The following MSANTD5 variants were observed in gnomAD, a reference collection of about 807,000 sequenced individuals.
MSANTD5 encodes uncharacterized protein MSANTD5.
chr5:178,703,879 G>A, the MSANTD5 span, among the ~76,000 whole-genome samples: 3 of 151,764 alleles, frequency 2.0e-5, no homozygotes, highest in East Asian at 5.8e-4. Context: ...TACTCAGGAG[G>A]CTGAGGCAGG....
chr5:178,701,042 C>T (rs1359428237), upstream of MSANTD5, among the ~76,000 whole-genome samples: 2 of 152,086 alleles, frequency 1.3e-5, no homozygotes, highest in Non-Finnish European at 2.9e-5. Context: ...GGCGCGATCT[C>T]GGCTCACTGC....
the MSANTD5 span, among the ~76,000 whole-genome samples, chr5:178,703,851 C>G: frequency 6.6e-6 from 1 of 151,674 alleles, no homozygotes; most frequent in Non-Finnish European, 1.5e-5. Flanking sequence ...CATGGTGGCG[C>G]GTGCCCATAG....
At chr5:178,693,658 G>A (rs113877740), downstream of MSANTD5, among the ~76,000 whole-genome samples, 232 of 152,144 alleles carry the variant, frequency 1.5e-3, 2 homozygotes, top group African/African-American at 5.0e-3. Context: ...ATCTGCTGGC[G>A]CTGGTGGCCA....
the MSANTD5 span, among the ~76,000 whole-genome samples, chr5:178,703,056 G>A: frequency 6.6e-6 from 1 of 152,310 alleles, no homozygotes; most frequent in African/African-American, 2.4e-5. Context: ...GAGAGCACCC[G>A]AGAGAACAGA....
downstream of MSANTD5, among the ~76,000 whole-genome samples, chr5:178,693,372 C>T (rs530578833): frequency 4.6e-5 from 7 of 152,142 alleles, no homozygotes; most frequent in Middle Eastern, 6.8e-3. Flanking sequence ...GTCTCACTGA[C>T]TTCAAGAATG....
chr5:178,702,606 C>CT (rs1041751980), upstream of MSANTD5, among the ~76,000 whole-genome samples: 7 of 135,656 alleles, frequency 5.2e-5, no homozygotes, highest in Non-Finnish European at 9.8e-5. Context: ...GCCAATTTTT[C>CT]TTTTTTTTCA....
At chr5:178,702,197 T>C (rs985065249), upstream of MSANTD5, among the ~76,000 whole-genome samples, 3 of 151,858 alleles carry the variant, frequency 2.0e-5, no homozygotes, top group Non-Finnish European at 4.4e-5. Flanking sequence ...GGTTCCCTAG[T>C]GACAAAGGGA....
chr5:178,693,322 A>T (rs1323461749), downstream of MSANTD5, among the ~76,000 whole-genome samples: 1 of 151,964 alleles, frequency 6.6e-6, no homozygotes, highest in Non-Finnish European at 1.5e-5. Flanking sequence ...AAAAAAATAT[A>T]ATAATGTGTC....
downstream of MSANTD5, among the ~76,000 whole-genome samples, chr5:178,692,772 TAAG>T: frequency 6.6e-6 from 1 of 152,032 alleles, no homozygotes; most frequent in Admixed American, 6.5e-5. Flanking sequence ...TGCCAGGAGT[TAAG>T]GAGGGGCTGA....
At chr5:178,699,070 A>G (rs1765450302), upstream of MSANTD5, among the ~76,000 whole-genome samples, 1 of 151,980 alleles carries the variant, frequency 6.6e-6, no homozygotes. Flanking sequence ...GGCCTGTCCA[A>G]TACACCCCCA....
downstream of MSANTD5, among the ~76,000 whole-genome samples, chr5:178,693,138 C>T (rs149146193): frequency 4.6e-5 from 7 of 151,892 alleles, 1 homozygote; most frequent in South Asian, 4.2e-4. Context: ...AGAGAAACCC[C>T]GTCTCTACTA....
chr5:178,699,733 G>C (rs1765456490), upstream of MSANTD5, among the ~76,000 whole-genome samples: 1 of 152,182 alleles, frequency 6.6e-6, no homozygotes, highest in Non-Finnish European at 1.5e-5. Context: ...TTCTAAATAA[G>C]TACCATTAAC....
At chr5:178,697,268 C>G (rs1357447972) in intron 1 of MSANTD5, among the ~76,000 whole-genome samples, 2 of 150,814 alleles carry the variant, frequency 1.3e-5, no homozygotes, top group Non-Finnish European at 2.9e-5. Context: ...TCCTGGCTAA[C>G]ACGGTGAAAC....
At chr5:178,703,592 T>TTGA in the MSANTD5 span, among the ~76,000 whole-genome samples, 1 of 152,192 alleles carries the variant, frequency 6.6e-6, no homozygotes, top group Admixed American at 6.5e-5. Flanking sequence ...GACCTAGTGT[T>TTGA]TGATAGATCA....
upstream of MSANTD5, among the ~76,000 whole-genome samples, chr5:178,699,695 G>C (rs1765456194): frequency 6.6e-6 from 1 of 152,208 alleles, no homozygotes; most frequent in Non-Finnish European, 1.5e-5. Flanking sequence ...ACAGGCTTGA[G>C]CCACCACAAC....
intron 1 of MSANTD5, among the ~76,000 whole-genome samples, chr5:178,696,538 A>C (rs2113853708): frequency 6.6e-6 from 1 of 152,122 alleles, no homozygotes; most frequent in South Asian, 2.1e-4. Context: ...CCTTGTATTT[A>C]AAAAGTAAAC....
intron 1 of MSANTD5, among the ~76,000 whole-genome samples, 168 bp downstream of exon 1, chr5:178,697,418 C>T (rs1765430523): frequency 6.6e-6 from 1 of 152,192 alleles, no homozygotes; most frequent in Non-Finnish European, 1.5e-5. Flanking sequence ...CGCGCCCCTG[C>T]ACTCCAGCCT....
At chr5:178,705,728 CGGG>C in the MSANTD5 span, among the ~76,000 whole-genome samples, 1 of 151,892 alleles carries the variant, frequency 6.6e-6, no homozygotes, top group African/African-American at 2.4e-5. Context: ...GAGGCCGAGG[CGGG>C]AGGATCACGA....
chr5:178,697,153 T>C (rs2113854130), intron 1 of MSANTD5, among the ~76,000 whole-genome samples: 1 of 152,226 alleles, frequency 6.6e-6, no homozygotes, highest in Non-Finnish European at 1.5e-5. Flanking sequence ...TGGCTGAACA[T>C]ACAGAGGAAG....
Sources: allele counts gnomAD v4.1 joint callset (sites outside exome capture counted in the v4.1 genomes callset), GRCh38; gene constraint gnomAD v4.1.1; transcripts MANE v1.5; gene names NCBI Gene and HGNC (gene_info 2026-07-23, HGNC 2026-07-21).